The following RAB40B variants were observed in gnomAD, a reference collection of about 807,000 sequenced individuals.
RAB40B encodes the protein ras-related protein Rab-40B.
Under a neutral mutation model 24.0 loss-of-function variants are expected in RAB40B, and 21 were observed. The observed-to-expected ratio is 0.88, with a 90% CI of 0.62 to 1.26. The LOEUF is 1.26. Among genes scored for constraint, RAB40B ranks in the 50% most tolerant of loss-of-function variants. RAB40B has a pLI of 0.00. For synonymous variants in RAB40B, 167 were observed against 169.8 expected (o/e 0.98, Z 0.13); for missense variants, 348 against 390.5 (o/e 0.89, Z 0.92).
intron 1 of RAB40B, among the ~76,000 whole-genome samples, chr17:82,682,816 G>GT (rs960663885): frequency 2.0e-5 from 3 of 152,152 alleles, no homozygotes; most frequent in African/African-American, 7.2e-5. Context: ...CTGTGCAAAA[G>GT]TAACGAATCT....
chr17:82,665,690 A>C (rs932832279), intron 1 of RAB40B, among the ~76,000 whole-genome samples: 4 of 151,854 alleles, frequency 2.6e-5, no homozygotes, highest in Non-Finnish European at 5.9e-5. Context: ...AATATGATGA[A>C]ACCCCATCTC....
In RAB40B at chr17:82,663,771, A is replaced by G. The variant is rs1395348323; in HGVS notation, c.203+725T>C. Among the ~76,000 whole-genome samples, 2 of 152,134 alleles carry G rather than the reference A, an allele frequency of 1.3e-5. No homozygotes were observed. Among genetic ancestry groups the G allele is most frequent in the Non-Finnish European group, 2.9e-5 (2 of 68,000 alleles). ...GGACCCAGGAGCCCCGGGCTGCCTC[A>G]ACCACGCTGCATCGGTCCCCTCTTG... is the stretch of plus-strand genomic sequence containing the variant. On this transcript the variant is annotated intron_variant, in intron 2 of 5. Coordinates refer to ENST00000571995, the MANE Select transcript of RAB40B (RefSeq NM_006822.3). The surrounding 1 kb of genome is among the most constrained non-coding windows in gnomAD (Gnocchi z 6.2).
chr17:82,681,007 C>T (rs1240058143), intron 1 of RAB40B, among the ~76,000 whole-genome samples: 4 of 102,836 alleles, frequency 3.9e-5, no homozygotes, highest in Non-Finnish European at 5.3e-5. Context: ...GGCAACAGAG[C>T]AAGACTCCAT....
At chr17:82,695,080 T>A (rs2143563844) in intron 1 of RAB40B, among the ~76,000 whole-genome samples, 1 of 151,964 alleles carries the variant, frequency 6.6e-6, no homozygotes, top group South Asian at 2.1e-4. Context: ...AAGCAAGGGC[T>A]ATAAACCTGG....
intron 4 of RAB40B, 90 bp from the exon 5 acceptor site, chr17:82,658,803 C>G (rs2046122708): frequency 8.4e-7 from 1 of 1,189,420 alleles, no homozygotes; most frequent in Admixed American, 2.6e-5. Context: ...CGAGGAACCC[C>G]CCACGAGTTC....
chr17:82,665,491 CA>C (rs1163193897), intron 1 of RAB40B, among the ~76,000 whole-genome samples: 4 of 152,164 alleles, frequency 2.6e-5, no homozygotes, highest in African/African-American at 9.7e-5. Flanking sequence ...TAAGTTCACA[CA>C]ATCTGCCCGG....
At position 82,664,171 on chromosome 17, in the gene RAB40B, G is replaced by A. The variant is rs568614649; in HGVS notation, c.203+325C>T. On this transcript the variant is annotated intron_variant, in intron 2 of 5. Coordinates refer to ENST00000571995, the MANE Select transcript of RAB40B (RefSeq NM_006822.3). ...GGTGGTGGGAGGGTGTTCCCCGGGGGCGCTGTGCCGACGGTGGTGGGGGAA... is the reference window on the plus strand; with the variant it reads ...GGTGGTGGGAGGGTGTTCCCCGGGGACGCTGTGCCGACGGTGGTGGGGGAA... Among the ~76,000 whole-genome samples, 184 of 133,960 alleles carry A rather than the reference G, an allele frequency of 1.4e-3. 2 individuals carry two copies. Among genetic ancestry groups the A allele is most frequent in the Non-Finnish European group, 2.3e-3 (147 of 64,898 alleles). The allele number at this position is 133,960 out of a possible 152,430, so 87.9% of individuals were successfully genotyped here.
intron 3 of RAB40B, among the ~76,000 whole-genome samples, chr17:82,660,669 C>T (rs982257865): frequency 1.4e-5 from 2 of 138,466 alleles, no homozygotes; most frequent in Non-Finnish European, 3.1e-5. Flanking sequence ...GCACAGTGCA[C>T]GTACCTGCAC....
intron 1 of RAB40B, among the ~76,000 whole-genome samples, chr17:82,677,157 C>A (rs1178130610): frequency 1.3e-5 from 2 of 151,644 alleles, no homozygotes; most frequent in Non-Finnish European, 2.9e-5. Flanking sequence ...CCATGTTGGT[C>A]AGGCTGGTCT....
At chr17:82,659,372 C>T (rs1159847836) in intron 4 of RAB40B, 2 of 574,526 alleles carry the variant, frequency 3.5e-6, no homozygotes, top group Non-Finnish European at 6.2e-6. Flanking sequence ...GGACCAGCTT[C>T]CTGAGCTTTC....
At position 82,682,726 on chromosome 17, in the gene RAB40B, T is replaced by C. The variant is rs146895067; in HGVS notation, c.142+15729A>G. ...AATAGGCCCACACAAAAATGGCCAA[T>C]TGATGTTTGACCAAAGTGCAAAGGC... is the stretch of plus-strand genomic sequence containing the variant. On this transcript the variant is annotated intron_variant, in intron 1 of 5. Transcript: ENST00000571995. Among the ~76,000 whole-genome samples the C allele has an allele frequency of 4.3e-3, 658 of 152,338 alleles. 7 individuals are homozygous for C. The highest frequency in any genetic ancestry group is 0.018 in the South Asian group (88 of 4,834).
chr17:82,689,958 C>T (rs2046538917), intron 1 of RAB40B, among the ~76,000 whole-genome samples: 1 of 85,430 alleles, frequency 1.2e-5, no homozygotes, highest in African/African-American at 4.9e-5. Flanking sequence ...CAGAGCAAAA[C>T]TTCATCTCAA....
At chr17:82,674,818 CAGAATGAACCTAACACAGA>C (rs2046380305) in intron 1 of RAB40B, among the ~76,000 whole-genome samples, 1 of 152,128 alleles carries the variant, frequency 6.6e-6, no homozygotes, top group Admixed American at 6.5e-5. Flanking sequence ...GAACGAACCC[CAGAATGAACCTAACACAGA>C]AGAAAGCAGG....
rs897373399 is a variant in RAB40B at position 82,692,674 on chromosome 17, G to C, written c.142+5781C>G. Among the ~76,000 whole-genome samples, 9 of 152,220 alleles carry C rather than the reference G, an allele frequency of 5.9e-5. No homozygotes were observed. The highest frequency in any genetic ancestry group is 1.3e-4 in the Non-Finnish European group (9 of 68,040). ...ACCCCAGCTGGAGGCAGCCATTCAT[G>C]TCAAAGGTAAAACGATGCTTGTAGA... On this transcript the variant is annotated intron_variant, in intron 1 of 5. Transcript: ENST00000571995. This position sits in a 1 kb window ranked among gnomAD's most constrained non-coding sequence, Gnocchi z 4.0.
chr17:82,659,052 C>T (rs2046126773), intron 4 of RAB40B: 3 of 298,134 alleles, frequency 1.0e-5, no homozygotes, highest in South Asian at 5.7e-5. Flanking sequence ...CTGGGAGAGG[C>T]GGCTGTAGGG....
Position 82,698,654 on chromosome 17 carries a change from C to A in RAB40B, c.-58G>T. The A allele has an allele frequency of 8.4e-7, 1 of 1,185,770 alleles. No individual in the cohort carries two copies. Among genetic ancestry groups the A allele is most frequent in the Non-Finnish European group, 1.1e-6 (1 of 951,568 alleles). 73.5% of individuals were successfully genotyped at this position (1,185,770 alleles called of 1,614,324 possible). On this transcript the variant is annotated 5_prime_UTR_variant, in exon 1 of 6. Transcript: ENST00000571995. ...CCTGCGGGGCTGAGCGCAGAGGCGG[C>A]GGCCCGGCCCCGAGAGGCGCCGCGC...
At chr17:82,690,459 TG>T (rs1449239280) in intron 1 of RAB40B, among the ~76,000 whole-genome samples, 8 of 125,436 alleles carry the variant, frequency 6.4e-5, no homozygotes, top group Admixed American at 2.3e-4. Context: ...TCTGCAGAAT[TG>T]GAGGGAGCAT....
intron 2 of RAB40B, chr17:82,662,595 C>T: frequency 1.0e-6 from 1 of 985,260 alleles, no homozygotes; most frequent in Non-Finnish European, 1.2e-6. Context: ...CTCTGGGGTC[C>T]ACACTCCGGG....
Position 82,657,897 on chromosome 17 carries a change from T to A in RAB40B, c.803A>T (p.Lys268Ile), listed in dbSNP as rs752962837. 2 of 1,134,442 alleles carry A rather than the reference T, an allele frequency of 1.8e-6. No individual in the cohort carries two copies. The highest frequency in any genetic ancestry group is 2.4e-6 in the Non-Finnish European group (2 of 823,268). The allele number at this position is 1,134,442 out of a possible 1,614,324, so 70.3% of individuals were successfully genotyped here. ...KLVRPPQSPP[K>I]NCTRNSCKIS The stretch of plus-strand genomic sequence containing the variant: ...TTTGCAGCTGTTTCTGGTGCAGTTT[T>A]TGGGGGGGCTCTGGGGGGGGCGGAC... Residue 268 changes from lysine (K) to isoleucine (I), a missense_variant, in exon 6 of 6, where the codon AAA (lysine) becomes ATA (isoleucine). By Grantham distance (102) the Lys-to-Ile change is moderately radical (BLOSUM62 -3). This residue lies in a region of RAB40B where 121 missense variants were observed against 124.0 expected (regional missense o/e 0.98). Transcript: ENST00000571995.
Sources: allele counts gnomAD v4.1 joint callset (sites outside exome capture counted in the v4.1 genomes callset), GRCh38; gene constraint gnomAD v4.1.1; regional missense constraint gnomAD v4.1.1; non-coding constraint Gnocchi (gnomAD v3.1); transcripts MANE v1.5; gene names NCBI Gene and HGNC (gene_info 2026-07-23, HGNC 2026-07-21).